Variants in PRKN observed in about 807,000 individuals in gnomAD.
The protein encoded by PRKN is parkin RBR E3 ubiquitin protein ligase.
PRKN carries 56 observed loss-of-function variants against 59.5 expected under a neutral mutation model. The ratio of observed to expected loss-of-function variants is 0.94; its 90% CI spans 0.76 to 1.18. The LOEUF (loss-of-function observed/expected upper bound fraction) is 1.18. Among genes scored for constraint, PRKN ranks in the 50% most tolerant of loss-of-function variants. The probability of loss-of-function intolerance (pLI) is 0.00; values close to 1 mark genes in which losing one functional copy is unlikely to be tolerated. For missense variants in PRKN, 657 were observed against 596.4 expected (o/e 1.10, Z -1.06); for synonymous variants, 250 against 222.1 (o/e 1.13, Z -1.12).
At chr6:162,506,275 G>GAAAAA (rs1793604199) in intron 1 of PRKN, among the ~76,000 whole-genome samples, 1 of 137,826 alleles carries the variant, frequency 7.3e-6, no homozygotes, top group African/African-American at 2.9e-5. Flanking sequence ...AAAAAAAAAG[G>GAAAAA]AATGCCTTTA....
At chr6:162,644,939 T>C (rs1279296650) in intron 1 of PRKN, among the ~76,000 whole-genome samples, 2 of 152,184 alleles carry the variant, frequency 1.3e-5, no homozygotes, top group African/African-American at 4.8e-5. Flanking sequence ...ATAAGATGCA[T>C]ATAGAGAACT....
At position 161,525,347 on chromosome 6, in the gene PRKN, A is replaced by C. The variant is rs926152522; in HGVS notation, c.1083+23507T>G. Among the ~76,000 whole-genome samples, 1 of 152,178 alleles carries C rather than the reference A, an allele frequency of 6.6e-6. No individual in the cohort carries two copies. Among genetic ancestry groups the C allele is most frequent in the Non-Finnish European group, 1.5e-5 (1 of 68,026 alleles). On this transcript the variant is annotated intron_variant, in intron 9 of 11. Transcript: ENST00000366898. This position sits in a 1 kb window ranked among gnomAD's most constrained non-coding sequence, Gnocchi z 4.7. The stretch of plus-strand genomic sequence containing the variant: ...CTGGAGATGAGGGTCCACCTCTCCC[A>C]GGTCCTGAGGACTTTCCTCCTGGAG...
intron 6 of PRKN, among the ~76,000 whole-genome samples, chr6:161,968,219 G>A (rs1217330631): frequency 1.4e-5 from 2 of 138,604 alleles, no homozygotes; most frequent in Non-Finnish European, 3.1e-5. Context: ...TGTATTATTA[G>A]TAGAGATGGG....
chr6:161,665,768 TTTC>T (rs1486321033), intron 7 of PRKN, among the ~76,000 whole-genome samples: 1 of 152,236 alleles, frequency 6.6e-6, no homozygotes, highest in African/African-American at 2.4e-5. Context: ...TCATCGGCCT[TTTC>T]TTCATATTAA....
chr6:162,244,410 T>C (rs564815720), intron 3 of PRKN, among the ~76,000 whole-genome samples: 1 of 152,112 alleles, frequency 6.6e-6, no homozygotes, highest in Non-Finnish European at 1.5e-5. Context: ...GGGTCTAAGA[T>C]AGTTTGGAAA....
At chr6:161,949,104 C>A (rs1173204830) in intron 6 of PRKN, among the ~76,000 whole-genome samples, 1 of 152,040 alleles carries the variant, frequency 6.6e-6, no homozygotes, top group African/African-American at 2.4e-5. Context: ...TGGACTTCAG[C>A]GGGGTAGTTC....
chr6:161,390,227 C>T lies in PRKN; in HGVS notation c.1084-3350G>A, dbSNP rs1786444925. Among the ~76,000 whole-genome samples the T allele has an allele frequency of 1.3e-5, 2 of 152,322 alleles. No individual in the cohort carries two copies. The highest frequency in any genetic ancestry group is 2.9e-5 in the Non-Finnish European group (2 of 68,026). On this transcript the variant is annotated intron_variant, in intron 9 of 11. Transcript: ENST00000366898. The surrounding 1 kb of genome is among the most constrained non-coding windows in gnomAD (Gnocchi z 7.0). ...GACTCAAGACTCTCAACCTTCAGTT[C>T]TCACACTACGCACCAGAGTGCCCTG...
intron 2 of PRKN, among the ~76,000 whole-genome samples, chr6:162,273,224 C>G (rs1057177385): frequency 6.6e-6 from 1 of 151,934 alleles, no homozygotes; most frequent in African/African-American, 2.4e-5. Flanking sequence ...AAAATGGTTA[C>G]CTATGAGGGA....
intron 7 of PRKN, among the ~76,000 whole-genome samples, chr6:161,599,465 T>C (rs1197084130): frequency 6.6e-6 from 1 of 152,222 alleles, no homozygotes; most frequent in Non-Finnish European, 1.5e-5. Context: ...TTGTAACTTA[T>C]CCTTAAGACT....
chr6:162,638,999 C>A (rs904928247), intron 1 of PRKN, among the ~76,000 whole-genome samples: 2 of 151,924 alleles, frequency 1.3e-5, no homozygotes, highest in African/African-American at 2.4e-5. Flanking sequence ...ACCCACCCGC[C>A]TTTCATACAT....
intron 2 of PRKN, among the ~76,000 whole-genome samples, chr6:162,292,363 A>AT (rs1457736413): frequency 1.3e-5 from 2 of 152,120 alleles, no homozygotes; most frequent in Admixed American, 6.5e-5. Flanking sequence ...ATATTTCAAT[A>AT]TATTACCTGA....
At chr6:162,432,966 T>C (rs895934111) in intron 2 of PRKN, among the ~76,000 whole-genome samples, 2 of 152,208 alleles carry the variant, frequency 1.3e-5, no homozygotes, top group South Asian at 2.1e-4. Flanking sequence ...TTAAGATAAC[T>C]GTTTAGACTT....
At chr6:161,892,708 C>T (rs1370620749) in intron 6 of PRKN, among the ~76,000 whole-genome samples, 1 of 152,056 alleles carries the variant, frequency 6.6e-6, no homozygotes, top group Non-Finnish European at 1.5e-5. Context: ...CACTGCACTC[C>T]AGCCTTGGTG....
At chr6:161,693,256 A>G (rs184492106) in intron 7 of PRKN, among the ~76,000 whole-genome samples, 179 of 152,308 alleles carry the variant, frequency 1.2e-3, no homozygotes, top group African/African-American at 4.2e-3. Context: ...TGTTCGAAAG[A>G]TAGATTTTTT....
At position 162,344,260 on chromosome 6, in the gene PRKN, A is replaced by G. The variant is rs551521414; in HGVS notation, c.172-81495T>C. On this transcript the variant is annotated intron_variant, in intron 2 of 11. Coordinates refer to ENST00000366898, the MANE Select transcript of PRKN (RefSeq NM_004562.3). Reference sequence around the variant, plus strand: ...ATACATGTCACATTCGCATAGAAACATATGGTCTTCAATGTGCAATCTCAA... The same window carrying G: ...ATACATGTCACATTCGCATAGAAACGTATGGTCTTCAATGTGCAATCTCAA... Among the ~76,000 whole-genome samples the G allele has an allele frequency of 1.1e-4, 16 of 152,244 alleles. No individual in the cohort carries two copies. The South Asian group carries it at 3.3e-3, about 32-fold the overall frequency.
chr6:162,155,285 T>C (rs1782462668), intron 4 of PRKN, among the ~76,000 whole-genome samples: 1 of 152,198 alleles, frequency 6.6e-6, no homozygotes, highest in South Asian at 2.1e-4. Flanking sequence ...GCCATATTGC[T>C]ATTTTAATTA....
At position 161,973,363 on chromosome 6, in the gene PRKN, C is replaced by A. The variant is rs202212928; in HGVS notation, c.673G>T (p.Ala225Ser). ...HPTSDKETSV[A>S]LHLIATNSRN... ...CTATTTGTTGCGATCAGGTGCAAAG[C>A]TACTGATGTTTCCTTGTCAGAGGTG... is the stretch of plus-strand genomic sequence containing the variant. The change falls in exon 6 of 12, where the codon GCT (alanine) becomes TCT (serine). Residue 225 changes from alanine (A) to serine (S), a missense_variant. By Grantham distance (99) the Ala-to-Ser change is moderately conservative. Coordinates refer to ENST00000366898, the MANE Select transcript of PRKN (RefSeq NM_004562.3). 1.2e-6 allele frequency: 2 copies of A among 1,614,016 alleles called. No homozygotes were observed. The highest frequency in any genetic ancestry group is 2.7e-5 in the African/African-American group (2 of 75,038).
At chr6:162,578,141 A>T (rs1357991896) in intron 1 of PRKN, among the ~76,000 whole-genome samples, 1 of 152,164 alleles carries the variant, frequency 6.6e-6, no homozygotes, top group African/African-American at 2.4e-5. Flanking sequence ...TCAAGAGGAA[A>T]TATTTGGACA....
chr6:161,968,187 A>ATTTTT (rs530441181), intron 6 of PRKN, among the ~76,000 whole-genome samples: 5 of 127,972 alleles, frequency 3.9e-5, no homozygotes, highest in African/African-American at 9.0e-5. Context: ...TGCCTGGCTA[A>ATTTTT]TTTTTTTTTT....
Sources: gnomAD v4.1 joint callset for allele counts (sites outside exome capture counted in the v4.1 genomes callset) on GRCh38, gnomAD v4.1.1 for gene constraint, Gnocchi (gnomAD v3.1) non-coding constraint, MANE v1.5 for transcripts, NCBI Gene and HGNC (gene_info 2026-07-23, HGNC 2026-07-21) for gene names.